TMEM255B: variants seen among roughly 807,000 people sequenced by gnomAD.
TMEM255B encodes the protein family with sequence similarity 70, member B.
TMEM255B carries 35 observed loss-of-function variants against 34.5 expected under a neutral mutation model. The ratio of observed to expected loss-of-function variants is 1.01; its 90% CI spans 0.77 to 1.34. The LOEUF (loss-of-function observed/expected upper bound fraction) is 1.34, where lower values mean the gene tolerates loss of function less well. Ranked by LOEUF, TMEM255B falls within the 40% of genes most tolerant of loss-of-function variation. The pLI is 0.00. For synonymous variants in TMEM255B, 206 were observed against 201.2 expected, an observed-to-expected ratio of 1.02 and a Z score of -0.20; for missense variants, 432 against 433.2, an observed-to-expected ratio of 1.00 and a Z score of 0.02.
At chr13:113,771,460 T>C (rs760344576) in intron 3 of TMEM255B, among the ~76,000 whole-genome samples, 127 of 152,276 alleles carry the variant, frequency 8.3e-4, no homozygotes, top group Non-Finnish European at 1.6e-3. Flanking sequence ...GGTGGGCGGA[T>C]CACGAGTTCA....
Position 113,805,062 on chromosome 13 carries a change from G to A in TMEM255B, c.813+34G>A, listed in dbSNP as rs748265001. ...AGCATCACCTGCTGGAGTTGGACGC[G>A]CTGGTCACAGGCAGTGGGATGGACA... On this transcript the variant is annotated intron_variant, in intron 8 of 8. Coordinates refer to ENST00000375353, the MANE Select transcript of TMEM255B (RefSeq NM_182614.4). 25 of 1,566,408 alleles carry A rather than the reference G, an allele frequency of 1.6e-5. 1 individual carries two copies. In the Admixed American group the frequency reaches 1.9e-4, roughly 12 times the overall value.
rs75176261 is a variant in TMEM255B at position 113,808,219 on chromosome 13, C to G, written c.813+3191C>G. On this transcript the variant is annotated intron_variant, in intron 8 of 8. Transcript: ENST00000375353. The stretch of plus-strand genomic sequence containing the variant: ...ACTTGAGACAGTGGGGGATGGGGAA[C>G]AGTGACTTGGTGGGGGAGGTTTTGA... Among the ~76,000 whole-genome samples, 620 of 152,212 alleles carry G rather than the reference C, an allele frequency of 4.1e-3. 3 individuals carry two copies. Among genetic ancestry groups the G allele is most frequent in the African/African-American group, 0.014 (591 of 41,520 alleles).
intron 3 of TMEM255B, among the ~76,000 whole-genome samples, chr13:113,776,108 G>A (rs1238591932): frequency 2.6e-5 from 4 of 152,214 alleles, no homozygotes; most frequent in Non-Finnish European, 4.4e-5. Flanking sequence ...GGGATGGGGT[G>A]AAGTTCAAAG....
At chr13:113,803,699 C>T (rs1198875959) in intron 7 of TMEM255B, among the ~76,000 whole-genome samples, 4 of 152,182 alleles carry the variant, frequency 2.6e-5, no homozygotes, top group Admixed American at 6.5e-5. Context: ...AGGCCCACCT[C>T]GGCTGCCCCC....
chr13:113,805,175 T>C (rs57673070), intron 8 of TMEM255B, 147 bp downstream of exon 8: 2 of 1,070,634 alleles, frequency 1.9e-6, no homozygotes, highest in African/African-American at 3.3e-5. Context: ...GTGACAACCC[T>C]GCCGTCAGGG....
chr13:113,783,803 G>A (rs952951728), intron 3 of TMEM255B, among the ~76,000 whole-genome samples: 4 of 152,092 alleles, frequency 2.6e-5, no homozygotes, highest in African/African-American at 4.8e-5. Flanking sequence ...CAGATGCAGA[G>A]GGTTGAGAGT....
chr13:113,807,769 C>A (rs899690208), intron 8 of TMEM255B, among the ~76,000 whole-genome samples: 2 of 121,912 alleles, frequency 1.6e-5, no homozygotes, highest in African/African-American at 3.3e-5. Flanking sequence ...CCGTCACACG[C>A]AGGCTTACGG....
At chr13:113,792,327 C>T (rs369313206) in intron 3 of TMEM255B, among the ~76,000 whole-genome samples, 66 of 152,374 alleles carry the variant, frequency 4.3e-4, no homozygotes, top group African/African-American at 1.4e-3. Flanking sequence ...CTCTTGCCTT[C>T]GGCCACACAA....
rs140094188 is a variant in TMEM255B, at chr13:113,791,824, G to A, written c.253-3324G>A. 8.0e-4 allele frequency among the ~76,000 whole-genome samples: 122 copies of A among 152,376 alleles called. 2 individuals carry two copies. The East Asian group carries it at 9.6e-3, about 12-fold the overall frequency. ...GAAACTGTGGGAGTTCTTAAGGAGCGTGTGCAGTGGTGACGGGACCACGGC... is the reference window on the plus strand; with the variant it reads ...GAAACTGTGGGAGTTCTTAAGGAGCATGTGCAGTGGTGACGGGACCACGGC... On this transcript the variant is annotated intron_variant, in intron 3 of 8. Coordinates refer to ENST00000375353, the MANE Select transcript of TMEM255B (RefSeq NM_182614.4).
rs891113906 is a variant in TMEM255B at position 113,799,858 on chromosome 13, C to T, written c.423+439C>T. The T allele has an allele frequency of 3.8e-5, 33 of 869,728 alleles. 1 individual carries two copies. The highest frequency in any genetic ancestry group is 1.9e-4 in the African/African-American group (11 of 58,570). The allele number at this position is 869,728 out of a possible 1,614,324, so 53.9% of individuals were successfully genotyped here. A position where few individuals can be genotyped will look rare whatever the true frequency, so the allele number is the denominator to read the frequency against. ...GGAGTAATGACCCGCGGGCGGCCGC[C>T]GCCTTCGCCAGGACCGTCGGAGGGC... On this transcript the variant is annotated intron_variant, in intron 5 of 8. Transcript: ENST00000375353.
chr13:113,799,229 C>G, intron 4 of TMEM255B, 110 bp from the exon 5 acceptor site: 2 of 966,116 alleles, frequency 2.1e-6, no homozygotes, highest in South Asian at 2.9e-5. Context: ...TTGGTGTTGG[C>G]CTTGGTCCTT....
chr13:113,794,681 A>C (rs1566736231), intron 3 of TMEM255B, among the ~76,000 whole-genome samples: 1 of 152,210 alleles, frequency 6.6e-6, no homozygotes, highest in African/African-American at 2.4e-5. Context: ...TATCCATCAG[A>C]GTGCACTGGT....
At chr13:113,773,845 G>A (rs1400971174) in intron 3 of TMEM255B, among the ~76,000 whole-genome samples, 1 of 152,178 alleles carries the variant, frequency 6.6e-6, no homozygotes, top group African/African-American at 2.4e-5. Context: ...GACAGGTTTC[G>A]AGAAAGCGGT....
At chr13:113,804,849 G>A (rs2051137783) in intron 7 of TMEM255B, 36 bp from the exon 8 acceptor site, 1 of 1,571,480 alleles carries the variant, frequency 6.4e-7, no homozygotes, top group Non-Finnish European at 8.6e-7. Context: ...TCCACTAGGG[G>A]GTACACGCCG....
At chr13:113,775,777 G>T (rs2050566597) in intron 3 of TMEM255B, among the ~76,000 whole-genome samples, 1 of 152,242 alleles carries the variant, frequency 6.6e-6, no homozygotes, top group Non-Finnish European at 1.5e-5. Context: ...TCACCACCGA[G>T]GCCTCTTTCC....
At position 113,800,907 on chromosome 13, in the gene TMEM255B, CGGGAGG is replaced by C; in HGVS notation, c.505_509+1del. ...GTTACTGCTGTGACCTCTATGCCTG[CGGGAGG>C]TGAGGGGCACCGGGGACCCCCATAT... On this transcript the variant is annotated splice_donor_variant and coding_sequence_variant, in exon 6 of 9. Coordinates refer to ENST00000375353, the MANE Select transcript of TMEM255B (RefSeq NM_182614.4). LOFTEE classifies it high-confidence loss of function. 1.6e-6 allele frequency: 2 copies of C among 1,215,558 alleles called. No homozygotes were observed. Among genetic ancestry groups the C allele is most frequent in the Non-Finnish European group, 2.3e-6 (2 of 885,468 alleles). The allele number at this position is 1,215,558 out of a possible 1,614,324, so 75.3% of individuals were successfully genotyped here.
intron 3 of TMEM255B, among the ~76,000 whole-genome samples, chr13:113,792,319 C>T (rs928776295): frequency 3.9e-5 from 6 of 152,250 alleles, no homozygotes; most frequent in Non-Finnish European, 7.3e-5. Context: ...AAGGAAGTCT[C>T]TTGCCTTCGG....
At position 113,812,889 on chromosome 13, in the gene TMEM255B, AGGCCCCG is replaced by A. The variant is rs879500924; in HGVS notation, c.*989_*995del. ...GGGTCACAGGTCCCGAGTGGGTCACAGGCCCCGGGTGAGTCACAGGCCCCGGGTGAGT... is the reference window on the plus strand; with the variant it reads ...GGGTCACAGGTCCCGAGTGGGTCACAGGTGAGTCACAGGCCCCGGGTGAGT... On this transcript the variant is annotated 3_prime_UTR_variant, in exon 9 of 9. Coordinates refer to ENST00000375353, the MANE Select transcript of TMEM255B (RefSeq NM_182614.4). 2.5e-5 allele frequency: 4 copies of A among 161,344 alleles called. No individual in the cohort carries two copies. Among genetic ancestry groups the A allele is most frequent in the Admixed American group, 6.8e-5 (1 of 14,776 alleles). 10.0% of individuals were successfully genotyped at this position (161,344 alleles called of 1,614,324 possible).
intron 3 of TMEM255B, among the ~76,000 whole-genome samples, chr13:113,775,081 A>T (rs1325274934): frequency 3.5e-5 from 5 of 143,908 alleles, no homozygotes; most frequent in African/African-American, 1.4e-4. Context: ...CTCCACACAC[A>T]CCACATACAC....
Sources: gnomAD v4.1 joint callset for allele counts (sites outside exome capture counted in the v4.1 genomes callset) on GRCh38, gnomAD v4.1.1 for gene constraint, MANE v1.5 for transcripts, NCBI Gene and HGNC (gene_info 2026-07-23, HGNC 2026-07-21) for gene names.